Variants in WDR82 observed in about 807,000 individuals in gnomAD.
The protein encoded by WDR82 is WD repeat domain 82.
Under a neutral mutation model 36.1 loss-of-function variants are expected in WDR82, and 8 were observed. The ratio of observed to expected loss-of-function variants is 0.22; its 90% confidence interval spans 0.13 to 0.40. The LOEUF is 0.40. Among genes scored for constraint, WDR82 ranks in the 10% least tolerant of loss-of-function variants. The probability of loss-of-function intolerance (pLI) is 1.00; values close to 1 mark genes in which losing one functional copy is unlikely to be tolerated. For synonymous variants in WDR82, 129 were observed against 137.8 expected (o/e 0.94, Z 0.45); for missense variants, 185 against 400.5 (o/e 0.46, Z 4.59).
chr3:52,276,926 T>C (rs1700208227), intron 1 of WDR82, among the ~76,000 whole-genome samples: 1 of 151,426 alleles, frequency 6.6e-6, no homozygotes, highest in African/African-American at 2.4e-5. Context: ...GATACCATTA[T>C]AGCTCAGTCC....
At chr3:52,259,061 T>C in intron 7 of WDR82, 136 bp downstream of exon 7, 7 of 1,038,916 alleles carry the variant, frequency 6.7e-6, no homozygotes, top group East Asian at 2.5e-5. Flanking sequence ...AAAGACACTA[T>C]GTCCTTGGCA....
intron 3 of WDR82, among the ~76,000 whole-genome samples, chr3:52,264,254 C>G (rs1408849683): frequency 2.0e-5 from 3 of 152,072 alleles, no homozygotes; most frequent in Non-Finnish European, 4.4e-5. Flanking sequence ...TGGGAAGCCA[C>G]CTGAATGGAG....
chr3:52,276,838 C>T (rs1700207291), intron 1 of WDR82, among the ~76,000 whole-genome samples: 1 of 152,186 alleles, frequency 6.6e-6, no homozygotes, highest in African/African-American at 2.4e-5. Context: ...GCAGACCACT[C>T]TGCCACAAAC....
intron 3 of WDR82, 88 bp from the exon 4 acceptor site, chr3:52,261,567 T>C (rs1451555961): frequency 9.8e-7 from 1 of 1,016,092 alleles, no homozygotes; most frequent in Non-Finnish European, 1.4e-6. Context: ...TATCTATACA[T>C]ATATATACCT....
Position 52,261,451 on chromosome 3 carries a change from C to A in WDR82, c.355G>T (p.Asp119Tyr). ...AGAGACCCAGAAATGAAAGTGTCAT[C>A]CACAGGTGACATGGACAAGGCCACC... Reference protein sequence around the residue: ...RVVALSMSPVDDTFISGSLDK... With the variant: ...RVVALSMSPVYDTFISGSLDK... The change falls in exon 4 of 9, where the codon GAT (aspartate) becomes TAT (tyrosine). Residue 119 changes from aspartate (D) to tyrosine (Y), a missense_variant. Around this residue, in one of 3 missense-constraint regions of WDR82, gnomAD observed 26 missense variants for 107.4 expected, o/e 0.24. Coordinates refer to ENST00000296490, the MANE Select transcript of WDR82 (RefSeq NM_025222.4). 6.2e-7 allele frequency: 1 copy of A among 1,613,678 alleles called. No individual in the cohort carries two copies.
intron 2 of WDR82, among the ~76,000 whole-genome samples, chr3:52,269,272 C>A (rs983817728): frequency 6.6e-6 from 1 of 151,938 alleles, no homozygotes; most frequent in Admixed American, 6.6e-5. Flanking sequence ...GTCAGGAGTT[C>A]GAGACCAGCC....
intron 2 of WDR82, 111 bp downstream of exon 2, chr3:52,270,601 T>C (rs971776266): frequency 2.4e-6 from 2 of 821,176 alleles, no homozygotes; most frequent in Non-Finnish European, 1.9e-6. Flanking sequence ...ACTAACATTA[T>C]ATGAAAATAC....
At chr3:52,277,265 G>A (rs1448443277) in intron 1 of WDR82, among the ~76,000 whole-genome samples, 1 of 152,060 alleles carries the variant, frequency 6.6e-6, no homozygotes, top group East Asian at 1.9e-4. Context: ...GTGCGGTGAG[G>A]AGGGCTGACA....
intron 7 of WDR82, among the ~76,000 whole-genome samples, chr3:52,258,918 G>A (rs1191568757): frequency 6.6e-6 from 1 of 152,134 alleles, no homozygotes; most frequent in African/African-American, 2.4e-5. Context: ...TAAAAAAGGG[G>A]CCGAATACCA....
intron 3 of WDR82, among the ~76,000 whole-genome samples, chr3:52,263,887 G>A (rs1195867252): frequency 6.6e-6 from 1 of 152,210 alleles, no homozygotes; most frequent in East Asian, 1.9e-4. Context: ...GGTGGTGCTG[G>A]GTGCAGTGGC....
In WDR82 at chr3:52,270,731, G is replaced by A. The variant is rs1286982299; in HGVS notation, c.240C>T (p.Tyr80=). ...GCTTACCGTCTATTTTGTTAGAGCT[G>A]TAAACAACTGTGTTTGCTGCATGAG... ...RYTHAANTVV[Y]SSNKIDDTIR... The change falls in exon 2 of 9, where the codon TAC becomes TAT. Residue 80 remains tyrosine (Y), a synonymous_variant. Transcript: ENST00000296490. 1 of 1,612,540 alleles carries A rather than the reference G, an allele frequency of 6.2e-7. No homozygotes were observed. Among genetic ancestry groups the A allele is most frequent in the South Asian group, 1.1e-5 (1 of 90,714 alleles).
At chr3:52,273,684 G>C (rs550801023) in intron 1 of WDR82, among the ~76,000 whole-genome samples, 1 of 152,100 alleles carries the variant, frequency 6.6e-6, no homozygotes, top group Non-Finnish European at 1.5e-5. Flanking sequence ...GCAGAGGCAC[G>C]ATCTCGGCTC....
In WDR82 at chr3:52,264,352, A is replaced by G. The variant is rs191221395; in HGVS notation, c.326+2600T>C. 3.7e-4 allele frequency among the ~76,000 whole-genome samples: 57 copies of G among 152,336 alleles called. 2 individuals carry two copies. The East Asian group carries it at 0.011, about 29-fold the overall frequency. On this transcript the variant is annotated intron_variant, in intron 3 of 8. Transcript: ENST00000296490. ...AACAGAGGCTGAAAACTACAAGAAC[A>G]GAACCGACATGGGAAAAGTCACCTG...
At chr3:52,277,007 A>T (rs1356688192) in intron 1 of WDR82, among the ~76,000 whole-genome samples, 1 of 137,654 alleles carries the variant, frequency 7.3e-6, no homozygotes, top group Non-Finnish European at 1.6e-5. Flanking sequence ...ACACCAGTCT[A>T]AAAAAAAAAA....
Position 52,257,461 on chromosome 3 carries a change from T to C in WDR82, c.*29A>G, listed in dbSNP as rs761701669. 6.2e-7 allele frequency: 1 copy of C among 1,614,108 alleles called. No individual in the cohort carries two copies. The highest frequency in any genetic ancestry group is 2.2e-5 in the East Asian group (1 of 44,880). ...GTTTCTTCCTGCTGGCCGCCCTCAC[T>C]ATACAGAAATAGCCAAGCAGCAACA... On this transcript the variant is annotated 3_prime_UTR_variant, in exon 9 of 9. Coordinates refer to ENST00000296490, the MANE Select transcript of WDR82 (RefSeq NM_025222.4).
At chr3:52,267,131 G>T in intron 2 of WDR82, 113 bp from the exon 3 acceptor site, 2 of 782,896 alleles carry the variant, frequency 2.6e-6, no homozygotes, top group Non-Finnish European at 4.1e-6. Flanking sequence ...TATATCCCAA[G>T]CAAGGCATGA....
In WDR82 at chr3:52,259,883, T is replaced by C; in HGVS notation, c.544-11A>G. On this transcript the variant is annotated splice_polypyrimidine_tract_variant and intron_variant, in intron 5 of 8. Transcript: ENST00000296490. ...GGTAGCAAATGGCCCCTGCAAAAGA[T>C]AAAAAACAGTAGCCCCAGGCATATT... 1.2e-6 allele frequency: 2 copies of C among 1,608,340 alleles called. No homozygotes were observed. Among genetic ancestry groups the C allele is most frequent in the Non-Finnish European group, 8.5e-7 (1 of 1,177,342 alleles).
intron 5 of WDR82, 105 bp from the exon 6 acceptor site, chr3:52,259,977 G>A (rs929556462): frequency 3.7e-6 from 5 of 1,349,886 alleles, no homozygotes; most frequent in Middle Eastern, 2.5e-4. Context: ...AAGGAAAGCA[G>A]AGAATGAGCT....
chr3:52,259,904 A>G (rs1344187554), intron 5 of WDR82, 32 bp from the exon 6 acceptor site: 1 of 1,587,148 alleles, frequency 6.3e-7, no homozygotes, highest in Non-Finnish European at 8.6e-7. Flanking sequence ...AGCCCCAGGC[A>G]TATTAATAAT....
Sources: gnomAD v4.1 joint callset for allele counts (sites outside exome capture counted in the v4.1 genomes callset) on GRCh38, gnomAD v4.1.1 for gene constraint, gnomAD v4.1.1 regional missense constraint, MANE v1.5 for transcripts, NCBI Gene and HGNC (gene_info 2026-07-23, HGNC 2026-07-21) for gene names.